The following EOMES variants were observed in gnomAD, a reference collection of about 807,000 sequenced individuals.
EOMES encodes the protein eomesodermin homolog.
EOMES carries 18 observed loss-of-function variants against 61.0 expected under a neutral mutation model. That is an observed-to-expected ratio of 0.30 (90% confidence interval 0.20 to 0.44). The LOEUF is 0.44. Among genes scored for constraint, EOMES ranks in the 20% least tolerant of loss-of-function variants. EOMES has a pLI of 1.00. For synonymous variants in EOMES, 430 were observed against 394.0 expected, an observed-to-expected ratio of 1.09 and a Z score of -1.08; for missense variants, 885 against 939.2, an observed-to-expected ratio of 0.94 and a Z score of 0.75.
At chr3:27,722,503 C>G (rs914796479), upstream of EOMES, 30 of 1,348,762 alleles carry the variant, frequency 2.2e-5, no homozygotes, top group Non-Finnish European at 1.5e-5. Context: ...AGGAAAGCGC[C>G]GTGAGTTGGA....
chr3:27,720,152 G>A lies in EOMES; in HGVS notation c.1036+19C>T, dbSNP rs202001421. 3.5e-5 allele frequency: 54 copies of A among 1,539,824 alleles called. No homozygotes were observed. In the African/African-American group the frequency reaches 5.8e-4, roughly 17 times the overall value. On this transcript the variant is annotated intron_variant, in intron 2 of 5. Coordinates refer to ENST00000449599, the MANE Select transcript of EOMES (RefSeq NM_001278182.2). ...CTTCCCGCCCGTTCCTCCCCGGCCC[G>A]AGCCTCTTCTCTGCTCACCCTGCAT...
chr3:27,718,826 C>A lies in EOMES; in HGVS notation c.1226G>T (p.Gly409Val). 1 of 1,613,952 alleles carries A rather than the reference C, an allele frequency of 6.2e-7. No individual in the cohort carries two copies. The highest frequency in any genetic ancestry group is 8.5e-7 in the Non-Finnish European group (1 of 1,179,842). Reference protein sequence around the residue: ...RLHIVEVTEDGVEDLNEPSKT... With the variant: ...RLHIVEVTEDVVEDLNEPSKT... ...TGAGGGCTCATTCAAGTCCTCCACGCCATCCTCTGTAACTTCAACAATATG... is the reference window on the plus strand; with the variant it reads ...TGAGGGCTCATTCAAGTCCTCCACGACATCCTCTGTAACTTCAACAATATG... Residue 409 changes from glycine (G) to valine (V), a missense_variant, in exon 4 of 6, where the codon GGC (glycine) becomes GTC (valine). Coordinates refer to ENST00000449599, the MANE Select transcript of EOMES (RefSeq NM_001278182.2).
In EOMES at chr3:27,721,291, G is replaced by A. The variant is rs1278927432; in HGVS notation, c.881+123C>T. On this transcript the variant is annotated intron_variant, in intron 1 of 5. Coordinates refer to ENST00000449599, the MANE Select transcript of EOMES (RefSeq NM_001278182.2). This position sits in a 1 kb window ranked among gnomAD's most constrained non-coding sequence, Gnocchi z 7.4. Reference sequence around the variant, plus strand: ...CGGTGTCTACGGAGATTTATTGCGCGCGGTGAAACACTCTAAGCACCGCGC... The same window carrying A: ...CGGTGTCTACGGAGATTTATTGCGCACGGTGAAACACTCTAAGCACCGCGC... 15 of 712,762 alleles carry A rather than the reference G, an allele frequency of 2.1e-5. No individual in the cohort carries two copies. Among genetic ancestry groups the A allele is most frequent in the African/African-American group, 7.2e-5 (4 of 55,828 alleles). The allele number at this position is 712,762 out of a possible 1,614,324, so 44.2% of individuals were successfully genotyped here.
In EOMES at chr3:27,718,593, T is replaced by C. The variant is rs1320502049; in HGVS notation, c.1373A>G (p.Tyr458Cys). Residue 458 changes from tyrosine to cysteine, a missense_variant, in exon 5 of 6, where the codon TAT becomes TGT. By Grantham distance (194) the Tyr-to-Cys change is radical. Transcript: ENST00000449599. ...NPFAKGFRDN[Y>C]DSMYTASEND... is the part of the protein sequence containing the mutation. ...GGATAAAAGCTGCACTTACGAATCA[T>C]AGTTGTCTCTGAAGCCTTTTGCAAA... The C allele has an allele frequency of 6.2e-7, 1 of 1,609,980 alleles. No homozygotes were observed. Among genetic ancestry groups the C allele is most frequent in the African/African-American group, 1.3e-5 (1 of 74,822 alleles).
chr3:27,718,933 C>A (rs529670899), intron 3 of EOMES, 40 bp from the exon 4 acceptor site: 3 of 1,481,094 alleles, frequency 2.0e-6, no homozygotes, highest in South Asian at 1.2e-5. Flanking sequence ...ATCTAAAAAG[C>A]CTCTTAGTGG....
chr3:27,721,590 C>G lies in EOMES; in HGVS notation c.705G>C (p.Gln235His), dbSNP rs751439319. 21 of 1,569,838 alleles carry G rather than the reference C, an allele frequency of 1.3e-5. No individual in the cohort carries two copies. The highest frequency in any genetic ancestry group is 1.8e-5 in the Non-Finnish European group (21 of 1,159,816). ...GGTACGGCCCGTAGAGCGGAGCCCC[C>G]TGGCTGTACTGATAGGTGCCCGGGC... ...GGGPGTYQYS[Q>H]GAPLYGPYPG... The change falls in exon 1 of 6, where the codon CAG (glutamine) becomes CAC (histidine). Residue 235 changes from glutamine (Q) to histidine (H), a missense_variant. Gln to His is a conservative substitution (Grantham distance 24). Transcript: ENST00000449599. The surrounding 1 kb of genome is among the most constrained non-coding windows in gnomAD (Gnocchi z 7.4).
At position 27,721,916 on chromosome 3, in the gene EOMES, C is replaced by CGGT. The variant is rs767064280; in HGVS notation, c.378_379insACC (p.Ala126_Ala127insThr). ...GAGTAGCGCGCAGTGGCCGCAGCCG[C>CGGT]GGCGGCGGCGGCGGCGGCGGCTGCA... is the stretch of plus-strand genomic sequence containing the variant. On this transcript the variant is annotated inframe_insertion, in exon 1 of 6. Coordinates refer to ENST00000449599, the MANE Select transcript of EOMES (RefSeq NM_001278182.2). The surrounding 1 kb of genome is among the most constrained non-coding windows in gnomAD (Gnocchi z 7.4). 8.0e-7 allele frequency: 1 copy of CGGT among 1,246,974 alleles called. No individual in the cohort carries two copies. 77.2% of individuals were successfully genotyped at this position (1,246,974 alleles called of 1,614,324 possible). A position where few individuals can be genotyped will look rare whatever the true frequency, so the allele number is the denominator to read the frequency against.
chr3:27,719,591 A>T, intron 2 of EOMES, 110 bp from the exon 3 acceptor site: 1 of 989,324 alleles, frequency 1.0e-6, no homozygotes. Context: ...AGCTAGACTT[A>T]CAGTTGGTCT....
In EOMES at chr3:27,722,222, C is replaced by T; in HGVS notation, c.73G>A (p.Ala25Thr). Reference sequence around the variant, plus strand: ...GCGCTCCCGCCGCTGCCGCCTCGCGCACTCTCCAGCGGGTAGAAGTGCGCG... The same window carrying T: ...GCGCTCCCGCCGCTGCCGCCTCGCGTACTCTCCAGCGGGTAGAAGTGCGCG... ...PGAHFYPLES[A>T]RGGSGGSAGH... The change falls in exon 1 of 6, where the codon GCG becomes ACG. Residue 25 changes from alanine to threonine, a missense_variant. Transcript: ENST00000449599. The T allele has an allele frequency of 6.2e-7, 1 of 1,604,834 alleles. No homozygotes were observed. The highest frequency in any genetic ancestry group is 8.5e-7 in the Non-Finnish European group (1 of 1,176,762).
chr3:27,720,094 A>T, intron 2 of EOMES, 77 bp downstream of exon 2: 2 of 1,392,432 alleles, frequency 1.4e-6, no homozygotes, highest in Non-Finnish European at 2.0e-6. Flanking sequence ...GCTACATTTA[A>T]ATGTGAGTTG....
rs753570106 is a variant in EOMES, at chr3:27,719,411, G to A, written c.1107C>T (p.Phe369=). ...GSHWMRQEIS[F]GKLKLTNNKG... ...TGTTATTGGTGAGTTTTAATTTCCC[G>A]AATGAAATCTCCTGTCTCATCCAGT... is the stretch of plus-strand genomic sequence containing the variant. The change falls in exon 3 of 6, where the codon TTC becomes TTT. Residue 369 remains phenylalanine (F), a synonymous_variant. Transcript: ENST00000449599. 9.9e-5 allele frequency: 159 copies of A among 1,613,078 alleles called. No individual in the cohort carries two copies. The highest frequency in any genetic ancestry group is 1.2e-4 in the Non-Finnish European group (146 of 1,179,212).
In EOMES at chr3:27,717,898, G is replaced by T. The variant is rs2060582173; in HGVS notation, c.1380-90C>A. 1.0e-6 allele frequency: 1 copy of T among 978,990 alleles called. No homozygotes were observed. Among genetic ancestry groups the T allele is most frequent in the Non-Finnish European group, 1.5e-6 (1 of 685,910 alleles). 60.6% of individuals were successfully genotyped at this position (978,990 alleles called of 1,614,324 possible). ...CCTCCCAGAAATGAAAAAGGCTTGT[G>T]TTGGTTATCTACACCGAAAGTGCTG... On this transcript the variant is annotated intron_variant, in intron 5 of 5. Transcript: ENST00000449599. This position sits in a 1 kb window ranked among gnomAD's most constrained non-coding sequence, Gnocchi z 4.5.
Position 27,718,910 on chromosome 3 carries a change from A to G in EOMES, c.1159-17T>C. The G allele has an allele frequency of 3.2e-6, 5 of 1,581,426 alleles. No homozygotes were observed. Among genetic ancestry groups the G allele is most frequent in the African/African-American group, 1.4e-5 (1 of 73,494 alleles). On this transcript the variant is annotated splice_polypyrimidine_tract_variant and intron_variant, in intron 3 of 5. Transcript: ENST00000449599. ...GACTATCATCTGGAAAGAGTACAGAAAAAAATTGCTAAATCTAAAAAGCCT... is the reference window on the plus strand; with the variant it reads ...GACTATCATCTGGAAAGAGTACAGAGAAAAATTGCTAAATCTAAAAAGCCT...
rs756842856 is a variant in EOMES at position 27,717,979 on chromosome 3, C to A, written c.1380-171G>T. On this transcript the variant is annotated intron_variant, in intron 5 of 5. Coordinates refer to ENST00000449599, the MANE Select transcript of EOMES (RefSeq NM_001278182.2). The surrounding 1 kb of genome is among the most constrained non-coding windows in gnomAD (Gnocchi z 4.5). Reference sequence around the variant, plus strand: ...GATGCACTGGCCCATTTTAGCTGGACTCTTGGCTTATTGGGAAAAATTTCC... The same window carrying A: ...GATGCACTGGCCCATTTTAGCTGGAATCTTGGCTTATTGGGAAAAATTTCC... Among the ~76,000 whole-genome samples, 1 of 152,126 alleles carries A rather than the reference C, an allele frequency of 6.6e-6. No individual in the cohort carries two copies. The highest frequency in any genetic ancestry group is 1.5e-5 in the Non-Finnish European group (1 of 68,034).
chr3:27,717,843 A>C lies in EOMES; in HGVS notation c.1380-35T>G, dbSNP rs778556496. Reference sequence around the variant, plus strand: ...AAAGAGAAACACTTAAAAAAAAAAAAAAACCCTAATGTTGTCCCCAAACAA... The same window carrying C: ...AAAGAGAAACACTTAAAAAAAAAAACAAACCCTAATGTTGTCCCCAAACAA... On this transcript the variant is annotated intron_variant, in intron 5 of 5. Coordinates refer to ENST00000449599, the MANE Select transcript of EOMES (RefSeq NM_001278182.2). The surrounding 1 kb of genome is among the most constrained non-coding windows in gnomAD (Gnocchi z 4.5). 20 of 1,453,602 alleles carry C rather than the reference A, an allele frequency of 1.4e-5. No homozygotes were observed. The highest frequency in any genetic ancestry group is 8.4e-5 in the South Asian group (6 of 71,242). 90.0% of individuals were successfully genotyped at this position (1,453,602 alleles called of 1,614,324 possible).
At chr3:27,722,333 C>T, upstream of EOMES, 1 of 1,464,606 alleles carries the variant, frequency 6.8e-7, no homozygotes, top group South Asian at 1.4e-5. Flanking sequence ...TGCTTCCTCT[C>T]CTCCGGTGGC....
Position 27,721,715 on chromosome 3 carries a change from C to CG in EOMES, c.579dup (p.Gly194ArgfsTer28). ...GGGCACACAGCCGCGGGGAAGCCGC[C>CG]GGGGGGCAGCATGGAGCCGTAGGGG... On this transcript the variant is annotated frameshift_variant, in exon 1 of 6. Transcript: ENST00000449599. LOFTEE classifies it high-confidence loss of function. This position sits in a 1 kb window ranked among gnomAD's most constrained non-coding sequence, Gnocchi z 7.4. 1 of 1,487,536 alleles carries CG rather than the reference C, an allele frequency of 6.7e-7. No homozygotes were observed. The highest frequency in any genetic ancestry group is 8.9e-7 in the Non-Finnish European group (1 of 1,129,072). The allele number at this position is 1,487,536 out of a possible 1,614,324, so 92.1% of individuals were successfully genotyped here.
In EOMES at chr3:27,721,507, G is replaced by A. The variant is rs1225707927; in HGVS notation, c.788C>T (p.Ser263Phe). The A allele has an allele frequency of 1.2e-6, 2 of 1,612,988 alleles. No homozygotes were observed. Among genetic ancestry groups the A allele is most frequent in the Non-Finnish European group, 8.5e-7 (1 of 1,179,656 alleles). ...CAGGTAGACGTGGGCACGGAAGCCA[G>A]AACCTGGAACCCCCAGGCCCCCCAG... ...GGLGGLGVPG[S>F]GFRAHVYLCN... The change falls in exon 1 of 6, where the codon TCT (serine) becomes TTT (phenylalanine). Residue 263 changes from serine to phenylalanine, a missense_variant. This residue lies in a region of EOMES where 177 missense variants were observed against 273.3 expected (regional missense o/e 0.65). Coordinates refer to ENST00000449599, the MANE Select transcript of EOMES (RefSeq NM_001278182.2). The surrounding 1 kb of genome is among the most constrained non-coding windows in gnomAD (Gnocchi z 7.4).
At chr3:27,722,677 A>G, upstream of EOMES, 1 of 1,019,414 alleles carries the variant, frequency 9.8e-7, no homozygotes. Context: ...CCCTTTTTCA[A>G]TTGCCAAAGC....
Sources: gnomAD v4.1 joint callset for allele counts (sites outside exome capture counted in the v4.1 genomes callset) on GRCh38, gnomAD v4.1.1 for gene constraint, gnomAD v4.1.1 regional missense constraint, Gnocchi (gnomAD v3.1) non-coding constraint, MANE v1.5 for transcripts, NCBI Gene and HGNC (gene_info 2026-07-23, HGNC 2026-07-21) for gene names.